The following HIBADH variants were observed in gnomAD, a reference collection of about 807,000 sequenced individuals.
The protein encoded by HIBADH is 3-hydroxyisobutyrate dehydrogenase, also known as 3-hydroxyisobutyrate dehydrogenase, mitochondrial.
Under a neutral mutation model 36.1 loss-of-function variants are expected in HIBADH, and 25 were observed. That is an observed-to-expected ratio of 0.69 (90% CI 0.50 to 0.97). The LOEUF is 0.97. HIBADH is among the 50% of genes least tolerant of loss of function. The pLI is 0.00. For missense variants in HIBADH, 421 were observed against 418.0 expected, an observed-to-expected ratio of 1.01 and a Z score of -0.06; for synonymous variants, 160 against 149.5, an observed-to-expected ratio of 1.07 and a Z score of -0.51.
intron 1 of HIBADH, among the ~76,000 whole-genome samples, chr7:27,651,254 T>C (rs1336298495): frequency 1.3e-5 from 2 of 152,222 alleles, no homozygotes; most frequent in African/African-American, 2.4e-5. Context: ...TGGAAGCATA[T>C]TTAATTCCTT....
chr7:27,535,572 A>G (rs978406438), intron 6 of HIBADH, among the ~76,000 whole-genome samples: 1 of 152,146 alleles, frequency 6.6e-6, no homozygotes, highest in Non-Finnish European at 1.5e-5. Flanking sequence ...TAAAACAACA[A>G]AACATCATCA....
rs555657942 is a variant in HIBADH, at chr7:27,598,978, A to C, written c.484+30393T>G. Among the ~76,000 whole-genome samples the C allele has an allele frequency of 2.0e-5, 3 of 152,212 alleles. No homozygotes were observed. In the East Asian group the frequency reaches 5.8e-4, roughly 29 times the overall value. On this transcript the variant is annotated intron_variant, in intron 4 of 7. Coordinates refer to ENST00000265395, the MANE Select transcript of HIBADH (RefSeq NM_152740.4). ...ACTGAAAAAAAAAAGAAAAAGTATG[A>C]CCACCAAGAGGCATAAAGTGAGTAC...
At chr7:27,605,586 CAAAAAAAAAAAAAAAAA>C (rs70994666) in intron 4 of HIBADH, among the ~76,000 whole-genome samples, 22 of 33,600 alleles carry the variant, frequency 6.5e-4, no homozygotes, top group African/African-American at 2.5e-3. Context: ...TTTAGACAAG[CAAAAAAAAAAAAAAAAA>C]AAAAAAAAAA....
At chr7:27,634,588 C>T (rs965753459) in intron 2 of HIBADH, among the ~76,000 whole-genome samples, 2 of 152,182 alleles carry the variant, frequency 1.3e-5, no homozygotes, top group Non-Finnish European at 2.9e-5. Flanking sequence ...AAACACAATG[C>T]AAAACAATGG....
At chr7:27,569,561 T>C (rs1784599714) in intron 4 of HIBADH, among the ~76,000 whole-genome samples, 1 of 152,102 alleles carries the variant, frequency 6.6e-6, no homozygotes, top group Admixed American at 6.6e-5. Context: ...ATCTATGTTG[T>C]ATGGCTCAAG....
intron 4 of HIBADH, among the ~76,000 whole-genome samples, chr7:27,624,265 A>G (rs1053637790): frequency 6.6e-6 from 1 of 152,354 alleles, no homozygotes; most frequent in African/African-American, 2.4e-5. Context: ...CTCAGCAACA[A>G]GAACAAGGCT....
Position 27,649,614 on chromosome 7 carries a change from A to C in HIBADH, c.111T>G (p.Ala37=), listed in dbSNP as rs774345599. ...SFAAVCSRSV[A]SKTPVGFIGL... is the part of the protein sequence containing the mutation. ...CAATGAATCCAACTGGAGTCTTTGAAGCCACTGACCTAGAACACACTGATT... is the reference window on the plus strand; with the variant it reads ...CAATGAATCCAACTGGAGTCTTTGACGCCACTGACCTAGAACACACTGATT... The change falls in exon 2 of 8, where the codon GCT becomes GCG. Residue 37 remains alanine, a synonymous_variant. Transcript: ENST00000265395. 6.2e-7 allele frequency: 1 copy of C among 1,613,472 alleles called. No individual in the cohort carries two copies. The highest frequency in any genetic ancestry group is 1.1e-5 in the South Asian group (1 of 90,936).
chr7:27,553,711 G>A (rs1211099631), intron 4 of HIBADH, among the ~76,000 whole-genome samples: 5 of 152,096 alleles, frequency 3.3e-5, no homozygotes, highest in African/African-American at 9.7e-5. Context: ...GCACAATGTC[G>A]GTTTACAATA....
At chr7:27,649,776 T>G in intron 1 of HIBADH, 143 bp from the exon 2 acceptor site, 1 of 636,970 alleles carries the variant, frequency 1.6e-6, no homozygotes, top group South Asian at 3.2e-5. Context: ...TGCACACCTA[T>G]AATCCCAGCT....
rs962715946 is a variant in HIBADH at position 27,560,808 on chromosome 7, G to C, written c.485-17708C>G. Among the ~76,000 whole-genome samples, 53 of 152,092 alleles carry C rather than the reference G, an allele frequency of 3.5e-4. 2 individuals carry two copies. Reference sequence around the variant, plus strand: ...TGAACATATGTGCTTTCAATTCTTTGGGCATATACCCAGAAGTAAAATTGC... The same window carrying C: ...TGAACATATGTGCTTTCAATTCTTTCGGCATATACCCAGAAGTAAAATTGC... On this transcript the variant is annotated intron_variant, in intron 4 of 7. Coordinates refer to ENST00000265395, the MANE Select transcript of HIBADH (RefSeq NM_152740.4).
chr7:27,613,160 T>TATATTTATATTAA (rs1785359347), intron 4 of HIBADH, among the ~76,000 whole-genome samples: 41 of 9,000 alleles, frequency 4.6e-3, no homozygotes, highest in African/African-American at 0.042. Context: ...TATATAAATA[T>TATATTTATATTAA]ATATATTTAT....
intron 4 of HIBADH, among the ~76,000 whole-genome samples, chr7:27,551,106 AT>A (rs551150552): frequency 1.3e-4 from 19 of 151,652 alleles, no homozygotes; most frequent in Admixed American, 2.0e-4. Flanking sequence ...AATATATACA[AT>A]TTTTTTTTGT....
intron 4 of HIBADH, among the ~76,000 whole-genome samples, chr7:27,578,777 C>G (rs1189151449): frequency 1.3e-5 from 2 of 152,158 alleles, no homozygotes; most frequent in African/African-American, 4.8e-5. Flanking sequence ...TGCTTCCTTG[C>G]ACCTGAGTTG....
At chr7:27,527,747 ATCAG>A (rs1783924930) in intron 7 of HIBADH, among the ~76,000 whole-genome samples, 2 of 112,238 alleles carry the variant, frequency 1.8e-5, no homozygotes, top group Non-Finnish European at 3.4e-5. Context: ...TCTGCAATCA[ATCAG>A]TAACTTTTTT....
intron 5 of HIBADH, among the ~76,000 whole-genome samples, chr7:27,541,378 C>T (rs1784149303): frequency 6.6e-6 from 1 of 151,992 alleles, no homozygotes; most frequent in South Asian, 2.1e-4. Context: ...TTTCTTTTTG[C>T]TTTAAGTTGT....
intron 4 of HIBADH, among the ~76,000 whole-genome samples, chr7:27,600,776 G>A (rs563436494): frequency 8.5e-5 from 13 of 152,184 alleles, no homozygotes; most frequent in Admixed American, 2.0e-4. Context: ...CTAAGCTATA[G>A]TAACAAAAAT....
At chr7:27,617,128 T>C (rs1043710466) in intron 4 of HIBADH, among the ~76,000 whole-genome samples, 1 of 152,156 alleles carries the variant, frequency 6.6e-6, no homozygotes, top group Non-Finnish European at 1.5e-5. Flanking sequence ...GCTCCATTTA[T>C]GGTAAGTGGC....
chr7:27,543,419 T>C lies in HIBADH; in HGVS notation c.485-319A>G, dbSNP rs193185025. Among the ~76,000 whole-genome samples, 459 of 152,288 alleles carry C rather than the reference T, an allele frequency of 3.0e-3. 1 individual carries two copies. Among genetic ancestry groups the C allele is most frequent in the Middle Eastern group, 0.01 (3 of 294 alleles). ...TGTTATTATTCCCATGCATCTATTA[T>C]TCTCCTAAGAAACCTACTAAGTTAT... On this transcript the variant is annotated intron_variant, in intron 4 of 7. Coordinates refer to ENST00000265395, the MANE Select transcript of HIBADH (RefSeq NM_152740.4).
At chr7:27,640,873 T>C (rs1247540436) in intron 2 of HIBADH, among the ~76,000 whole-genome samples, 1 of 152,150 alleles carries the variant, frequency 6.6e-6, no homozygotes, top group East Asian at 1.9e-4. Flanking sequence ...AAAGGTACAG[T>C]AAAAATACTC....
Sources: gnomAD v4.1 joint callset for allele counts (sites outside exome capture counted in the v4.1 genomes callset) on GRCh38, gnomAD v4.1.1 for gene constraint, MANE v1.5 for transcripts, NCBI Gene and HGNC (gene_info 2026-07-23, HGNC 2026-07-21) for gene names.